IGSF9: variants seen among roughly 807,000 people sequenced by gnomAD.
IGSF9 encodes protein turtle homolog A.
IGSF9 carries 87 observed loss-of-function variants against 121.7 expected under a neutral mutation model. The observed-to-expected ratio is 0.71, with a 90% CI of 0.60 to 0.85. The LOEUF (loss-of-function observed/expected upper bound fraction) is 0.85. Among genes scored for constraint, IGSF9 ranks in the 40% least tolerant of loss-of-function variants. IGSF9 has a pLI of 0.00. For synonymous variants in IGSF9, 640 were observed against 648.4 expected (o/e 0.99, Z 0.20); for missense variants, 1,462 against 1,565.3 (o/e 0.93, Z 1.11).
rs1318849298 is a variant in IGSF9, at chr1:159,931,111, G to C, written c.1637+27C>G. On this transcript the variant is annotated intron_variant, in intron 13 of 20. Coordinates refer to ENST00000368094, the MANE Select transcript of IGSF9 (RefSeq NM_001135050.2). This position sits in a 1 kb window ranked among gnomAD's most constrained non-coding sequence, Gnocchi z 4.8. Reference sequence around the variant, plus strand: ...GAGGAAAGGAGGCAAGATTGGCACAGAGAAATGGCAGGAGCAGGTCACTCA... The same window carrying C: ...GAGGAAAGGAGGCAAGATTGGCACACAGAAATGGCAGGAGCAGGTCACTCA... 2 of 1,614,014 alleles carry C rather than the reference G, an allele frequency of 1.2e-6. No individual in the cohort carries two copies. The highest frequency in any genetic ancestry group is 1.7e-6 in the Non-Finnish European group (2 of 1,179,934).
rs1463713134 is a variant in IGSF9, at chr1:159,929,785, G to A, written c.2179C>T (p.Leu727=). 1 of 1,606,166 alleles carries A rather than the reference G, an allele frequency of 6.2e-7. No homozygotes were observed. Among genetic ancestry groups the A allele is most frequent in the Non-Finnish European group, 8.5e-7 (1 of 1,177,048 alleles). ...ACGGGCTGAGGCAGGAGGCCCGGCA[G>A]CTGCGTGCGCGAAGGGTAGACCTCC... The part of the protein sequence containing the change: ...GLEVYPSRTQ[L]PGLLPQPVLA... Residue 727 remains leucine (L), a synonymous_variant, in exon 17 of 21, where the codon CTG becomes TTG. Transcript: ENST00000368094.
At chr1:159,933,938 A>G (rs1651090529) in intron 9 of IGSF9, 1 of 533,518 alleles carries the variant, frequency 1.9e-6, no homozygotes. Flanking sequence ...ACTCTTTGCC[A>G]TCATTTTCCC....
chr1:159,930,711 G>T lies in IGSF9; in HGVS notation c.1794C>A (p.Ile598=), dbSNP rs1468259029. Residue 598 remains isoleucine, a synonymous_variant, in exon 14 of 21, where the codon ATC becomes ATA. Coordinates refer to ENST00000368094, the MANE Select transcript of IGSF9 (RefSeq NM_001135050.2). ...TCTCACCTTCCGGAGCAGACAAGAC[G>T]ATTTCGCTGAAGGGACCACTCCCCA... ...NKLGSGPFSE[I]VLSAPEGLPT... 1.2e-6 allele frequency: 2 copies of T among 1,613,974 alleles called. No individual in the cohort carries two copies. The highest frequency in any genetic ancestry group is 1.7e-5 in the Admixed American group (1 of 59,990).
rs948417282 is a variant in IGSF9, at chr1:159,929,392, A to G, written c.2328T>C (p.Asp776=). The change falls in exon 18 of 21, where the codon GAT becomes GAC. Residue 776 remains aspartate, a splice_region_variant and synonymous_variant. Coordinates refer to ENST00000368094, the MANE Select transcript of IGSF9 (RefSeq NM_001135050.2). ...ARRRRKRLRQ[D]PPLIFSPTGK... ...CGGTCGGAGAGAAGATAAGAGGTGG[A>G]TCTGGAAGGGCATGAGAATAGTAGG... The G allele has an allele frequency of 3.1e-6, 5 of 1,614,144 alleles. No homozygotes were observed. The highest frequency in any genetic ancestry group is 3.4e-6 in the Non-Finnish European group (4 of 1,180,008).
intron 9 of IGSF9, chr1:159,933,789 G>A: frequency 3.8e-6 from 1 of 260,688 alleles, no homozygotes; most frequent in Non-Finnish European, 7.5e-6. Flanking sequence ...CCCAGATGGT[G>A]CCCACTTTAA....
In IGSF9 at chr1:159,930,342, C is replaced by T; in HGVS notation, c.1911G>A (p.Arg637=). ...GGGGATCCCAATGCAGGAGTACCCC[C>T]CGGGGTGTCCTCACTGCCACCAGAC... ...PRGLVAVRTP[R]GVLLHWDPPE... The change falls in exon 15 of 21, where the codon CGG becomes CGA. Residue 637 remains arginine (R), a synonymous_variant. Transcript: ENST00000368094. 1 of 1,608,584 alleles carries T rather than the reference C, an allele frequency of 6.2e-7. No homozygotes were observed. The highest frequency in any genetic ancestry group is 1.1e-5 in the South Asian group (1 of 90,648).
At chr1:159,944,012 C>A (rs1651502537) in intron 1 of IGSF9, among the ~76,000 whole-genome samples, 2 of 152,238 alleles carry the variant, frequency 1.3e-5, no homozygotes, top group East Asian at 1.9e-4. Context: ...TCAAGACTCT[C>A]ATGGCCTAGG....
At position 159,930,751 on chromosome 1, in the gene IGSF9, A is replaced by G. The variant is rs754362030; in HGVS notation, c.1754T>C (p.Leu585Pro). Reference protein sequence around the residue: ...QPHTQYQFSVLAQNKLGSGPF... With the variant: ...QPHTQYQFSVPAQNKLGSGPF... Reference sequence around the variant, plus strand: ...ACCACTCCCCAGCTTGTTCTGAGCTAGCACGCTGAACTGGTACTGGGTGTG... The same window carrying G: ...ACCACTCCCCAGCTTGTTCTGAGCTGGCACGCTGAACTGGTACTGGGTGTG... The change falls in exon 14 of 21, where the codon CTA (leucine) becomes CCA (proline). Residue 585 changes from leucine (L) to proline (P), a missense_variant. This residue lies in a region of IGSF9 where 808 missense variants were observed against 815.2 expected (regional missense o/e 0.99). Coordinates refer to ENST00000368094, the MANE Select transcript of IGSF9 (RefSeq NM_001135050.2). 2 of 1,614,166 alleles carry G rather than the reference A, an allele frequency of 1.2e-6. No homozygotes were observed. The highest frequency in any genetic ancestry group is 1.7e-6 in the Non-Finnish European group (2 of 1,180,016).
Position 159,927,834 on chromosome 1 carries a change from TC to T in IGSF9, c.3283del (p.Asp1095ThrfsTer25). On this transcript the variant is annotated frameshift_variant, in exon 20 of 21. Coordinates refer to ENST00000368094, the MANE Select transcript of IGSF9 (RefSeq NM_001135050.2). LOFTEE classifies it high-confidence loss of function. ...GTGCAAAGTCTCCAGCAATTCCATG[TC>T]CCCAGGGAATTCTGAGTCCCACTCA... ...NYEWDSEFPG[D>X]MELLETLHLG... 6.2e-7 allele frequency: 1 copy of T among 1,612,570 alleles called. No homozygotes were observed. The highest frequency in any genetic ancestry group is 8.5e-7 in the Non-Finnish European group (1 of 1,179,466).
Position 159,929,641 on chromosome 1 carries a change from G to A in IGSF9, c.2323C>T (p.Gln775Ter), listed in dbSNP as rs1161711343. 2 of 1,594,408 alleles carry A rather than the reference G, an allele frequency of 1.3e-6. No homozygotes were observed. The highest frequency in any genetic ancestry group is 1.3e-5 in the African/African-American group (1 of 74,792). The change falls in exon 17 of 21, where the codon CAA (glutamine) becomes TAA (stop). Residue 775 changes from glutamine to a stop codon, truncating the protein, a stop_gained. Transcript: ENST00000368094. LOFTEE classifies it high-confidence loss of function. ...GGCTGAGGGTGGAGGGACTTACCTT[G>A]GCGGAGGCGCTTGCGGCGGCGGCGG... ...AARRRRKRLRQDPPLIFSPTG... is the reference protein window; with the variant it reads ...AARRRRKRLR
rs757567661 is a variant in IGSF9 at position 159,927,728 on chromosome 1, G to A, written c.3358+32C>T. The A allele has an allele frequency of 8.7e-6, 14 of 1,607,474 alleles. No individual in the cohort carries two copies. The African/African-American group carries it at 1.3e-4, about 15-fold the overall frequency. On this transcript the variant is annotated intron_variant, in intron 20 of 20. Coordinates refer to ENST00000368094, the MANE Select transcript of IGSF9 (RefSeq NM_001135050.2). ...CGGGGGGATGTGGGACAGTATGGCC[G>A]AGATGCCTGCCTTTCCGGGGGGCTC...
chr1:159,944,475 G>A (rs1651522344), intron 1 of IGSF9, among the ~76,000 whole-genome samples: 1 of 152,062 alleles, frequency 6.6e-6, no homozygotes, highest in African/African-American at 2.4e-5. Flanking sequence ...CACCACCCAA[G>A]GACCTCACCC....
At chr1:159,942,285 G>T (rs1436902060) in intron 3 of IGSF9, among the ~76,000 whole-genome samples, 1 of 152,188 alleles carries the variant, frequency 6.6e-6, no homozygotes. Context: ...GGCTACACAC[G>T]ATTTTAAGTC....
At chr1:159,927,930 G>C in intron 19 of IGSF9, 43 bp from the exon 20 acceptor site, 1 of 1,594,958 alleles carries the variant, frequency 6.3e-7, no homozygotes, top group East Asian at 2.2e-5. Context: ...TGTGGGTGGA[G>C]GAATAGAGGC....
At chr1:159,943,359 G>T (rs1651469000) in intron 2 of IGSF9, 38 bp downstream of exon 2, 1 of 1,521,514 alleles carries the variant, frequency 6.6e-7, no homozygotes, top group East Asian at 2.4e-5. Flanking sequence ...CCACCCCAAG[G>T]CTAACAGGGC....
chr1:159,927,641 A>G, intron 20 of IGSF9, 115 bp from the exon 21 acceptor site: 9 of 1,532,870 alleles, frequency 5.9e-6, no homozygotes, highest in Non-Finnish European at 7.9e-6. Context: ...GGCAAGGCAC[A>G]GTCTAGAGCA....
rs1316097684 is a variant in IGSF9, at chr1:159,927,307, G to T, written c.*38C>A. 5.6e-6 allele frequency: 9 copies of T among 1,610,700 alleles called. No homozygotes were observed. The Admixed American group carries it at 1.5e-4, about 27-fold the overall frequency. On this transcript the variant is annotated 3_prime_UTR_variant, in exon 21 of 21. Coordinates refer to ENST00000368094, the MANE Select transcript of IGSF9 (RefSeq NM_001135050.2). ...TGTCTGGTTGGGGGCCTCCTTTGCA[G>T]GTCCATATGCCTTTTCACAGCCTCA...
chr1:159,937,011 C>A, intron 4 of IGSF9, 103 bp from the exon 5 acceptor site: 1 of 1,175,828 alleles, frequency 8.5e-7, no homozygotes, highest in Admixed American at 2.1e-5. Context: ...TGCTGCCCAC[C>A]CACCAGCCCT....
chr1:159,943,772 A>T (rs1347419925), intron 1 of IGSF9, 144 bp from the exon 2 acceptor site: 3 of 328,102 alleles, frequency 9.1e-6, no homozygotes, highest in Non-Finnish European at 1.6e-5. Flanking sequence ...GGGATCTTGA[A>T]GCCCTGGGGA....
Sources: allele counts gnomAD v4.1 joint callset (sites outside exome capture counted in the v4.1 genomes callset), GRCh38; gene constraint gnomAD v4.1.1; regional missense constraint gnomAD v4.1.1; non-coding constraint Gnocchi (gnomAD v3.1); transcripts MANE v1.5; gene names NCBI Gene and HGNC (gene_info 2026-07-23, HGNC 2026-07-21).